The following FGD4 variants were observed in gnomAD, a reference collection of about 807,000 sequenced individuals.
FGD4 encodes FYVE, RhoGEF and PH domain containing 4, also known as FYVE, RhoGEF and PH domain-containing protein 4.
Under a neutral mutation model 102.0 loss-of-function variants are expected in FGD4, and 42 were observed. The observed-to-expected ratio is 0.41, with a 90% CI of 0.32 to 0.53. The LOEUF (loss-of-function observed/expected upper bound fraction) is 0.53. FGD4 is among the 20% of genes least tolerant of loss of function. The pLI is 0.21. For synonymous variants in FGD4, 380 were observed against 375.7 expected, an observed-to-expected ratio of 1.01 and a Z score of -0.13; for missense variants, 902 against 1,078.2, an observed-to-expected ratio of 0.84 and a Z score of 2.29.
At chr12:32,402,638 G>C (rs1940736965) in intron 1 of FGD4, among the ~76,000 whole-genome samples, 1 of 150,800 alleles carries the variant, frequency 6.6e-6, no homozygotes, top group African/African-American at 2.4e-5. Context: ...ACCCAGAGCA[G>C]TTTTTTTTAA....
intron 1 of FGD4, among the ~76,000 whole-genome samples, chr12:32,530,922 A>C (rs1941725659): frequency 6.9e-6 from 1 of 144,892 alleles, no homozygotes; most frequent in Non-Finnish European, 1.5e-5. Context: ...TATCTATGAC[A>C]ATCAGTTTCC....
chr12:32,596,658 G>A (rs1947916560), intron 4 of FGD4, among the ~76,000 whole-genome samples: 1 of 151,666 alleles, frequency 6.6e-6, no homozygotes, highest in South Asian at 2.1e-4. Flanking sequence ...GGAAGGGGCT[G>A]GGCGCATTGG....
intron 1 of FGD4, among the ~76,000 whole-genome samples, chr12:32,432,536 G>A (rs1486411489): frequency 5.9e-5 from 9 of 151,478 alleles, no homozygotes; most frequent in Admixed American, 3.9e-4. Context: ...CCCAGGAGGC[G>A]GAGGTTGCAG....
intron 5 of FGD4, chr12:32,600,584 C>CTTTTTTTTTTTTTTTTTTTTTTTTTTTTT (rs776556112): frequency 1.1e-5 from 3 of 267,970 alleles, no homozygotes; most frequent in African/African-American, 4.0e-5. Flanking sequence ...TTCTTTCTTT[C>CTTTTTTTTTTTTTTTTTTTTTTTTTTTTT]TTTCTTTCTT....
At chr12:32,526,611 G>A (rs1327055248) in intron 1 of FGD4, among the ~76,000 whole-genome samples, 2 of 152,178 alleles carry the variant, frequency 1.3e-5, no homozygotes, top group East Asian at 1.9e-4. Flanking sequence ...CAGGCTGCCC[G>A]AGCCAGCATT....
At position 32,582,370 on chromosome 12, in the gene FGD4, A is replaced by T. The variant is rs765177945; in HGVS notation, c.914A>T (p.Glu305Val). The T allele has an allele frequency of 6.2e-7, 1 of 1,614,090 alleles. No homozygotes were observed. The highest frequency in any genetic ancestry group is 8.5e-7 in the Non-Finnish European group (1 of 1,180,000). ...GGCATAGGCCCAGTGCTCCCCCTAG[A>T]AGAAAGAGGGGCAGAAACAGAAACC... ...TPGIGPVLPL[E>V]ERGAETETKV... The change falls in exon 4 of 17, where the codon GAA (glutamate) becomes GTA (valine). Residue 305 changes from glutamate (E) to valine (V), a missense_variant. Glu to Val is a moderately radical substitution (Grantham distance 121). Around this residue, in one of 2 missense-constraint regions of FGD4, gnomAD observed 443 missense variants for 459.2 expected, o/e 0.96. Transcript: ENST00000534526.
chr12:32,438,617 T>TG (rs62810661), intron 1 of FGD4, among the ~76,000 whole-genome samples: 100 of 142,038 alleles, frequency 7.0e-4, no homozygotes, highest in Admixed American at 1.7e-3. Context: ...TTTGTGTGTG[T>TG]TTTTTTTTTT....
In FGD4 at chr12:32,453,212, A is replaced by ATC. The variant is rs1555183338; in HGVS notation, c.166+53254_166+53255insCT. On this transcript the variant is annotated intron_variant, in intron 1 of 16. Coordinates refer to ENST00000534526, the MANE Select transcript of FGD4 (RefSeq NM_001370298.3). ...TTTTATATATATATTATATATATAT[A>ATC]TATATATAATATAGATATATATATA... 3.4e-3 allele frequency among the ~76,000 whole-genome samples: 188 copies of ATC among 55,616 alleles called. 1 individual carries two copies. Among genetic ancestry groups the ATC allele is most frequent in the African/African-American group, 7.7e-3 (182 of 23,550 alleles). The allele number at this position is 55,616 out of a possible 152,430, so 36.5% of individuals were successfully genotyped here.
At chr12:32,597,633 C>CGTAT (rs769300979) in intron 4 of FGD4, among the ~76,000 whole-genome samples, 3 of 152,026 alleles carry the variant, frequency 2.0e-5, no homozygotes, top group Non-Finnish European at 4.4e-5. Context: ...ACAGGAGATA[C>CGTAT]AGCAGCTAAC....
chr12:32,414,870 T>A (rs1369966524), intron 1 of FGD4, among the ~76,000 whole-genome samples: 3 of 152,230 alleles, frequency 2.0e-5, no homozygotes, highest in Non-Finnish European at 4.4e-5. Context: ...TTAAGATGAA[T>A]GTTAGGTTAT....
chr12:32,534,280 A>C, intron 1 of FGD4: 1 of 1,309,844 alleles, frequency 7.6e-7, no homozygotes, highest in Non-Finnish European at 9.7e-7. Context: ...GTTTTGCATA[A>C]GGTCGTCCTT....
intron 7 of FGD4, 149 bp downstream of exon 7, chr12:32,602,466 T>TGAAATACGAC: frequency 2.4e-6 from 2 of 849,144 alleles, no homozygotes; most frequent in Admixed American, 4.4e-5. Context: ...ATCTCTGCAA[T>TGAAATACGAC]GCTGAAATAC....
In FGD4 at chr12:32,553,378, C is replaced by A. The variant is rs137957327; in HGVS notation, c.167-10759C>A. Among the ~76,000 whole-genome samples, 1,237 of 152,192 alleles carry A rather than the reference C, an allele frequency of 8.1e-3. 45 individuals are homozygous for A. The highest frequency in any genetic ancestry group is 0.057 in the Admixed American group (876 of 15,286). On this transcript the variant is annotated intron_variant, in intron 1 of 16. Coordinates refer to ENST00000534526, the MANE Select transcript of FGD4 (RefSeq NM_001370298.3). ...AAATCTTAGTGTTATCCTTTTTATC[C>A]TTTCAGGGTAGCAAACAAAAGGCAC...
intron 1 of FGD4, among the ~76,000 whole-genome samples, chr12:32,448,560 G>A (rs959555666): frequency 1.3e-5 from 2 of 152,020 alleles, no homozygotes; most frequent in African/African-American, 4.8e-5. Context: ...GGGAGGCTAA[G>A]GCAGGAGAAT....
rs1008996139 is a variant in FGD4, at chr12:32,595,936, A to G, written c.1012-2561A>G. 3.9e-5 allele frequency among the ~76,000 whole-genome samples: 6 copies of G among 152,360 alleles called. No individual in the cohort carries two copies. The South Asian group carries it at 1.2e-3, about 32-fold the overall frequency. On this transcript the variant is annotated intron_variant, in intron 4 of 16. Coordinates refer to ENST00000534526, the MANE Select transcript of FGD4 (RefSeq NM_001370298.3). ...AACAACACATTAACTTTACATATTG[A>G]AAGGATCTTGTGTGTAAAGTGTAAA... is the stretch of plus-strand genomic sequence containing the variant.
rs941165392 is a variant in FGD4, at chr12:32,402,629, C to A, written c.166+2670C>A. 4.0e-5 allele frequency among the ~76,000 whole-genome samples: 6 copies of A among 151,438 alleles called. No individual in the cohort carries two copies. In the East Asian group the frequency reaches 9.7e-4, roughly 25 times the overall value. On this transcript the variant is annotated intron_variant, in intron 1 of 16. Coordinates refer to ENST00000534526, the MANE Select transcript of FGD4 (RefSeq NM_001370298.3). ...TTTTTTTTTTTTAATTCAAAGAAAA[C>A]CCAGAGCAGTTTTTTTTAAAATGGA... is the stretch of plus-strand genomic sequence containing the variant.
intron 3 of FGD4, among the ~76,000 whole-genome samples, chr12:32,578,472 G>T (rs1437592572): frequency 6.6e-6 from 1 of 151,716 alleles, no homozygotes; most frequent in Non-Finnish European, 1.5e-5. Flanking sequence ...ACAGGAAATT[G>T]ATAGGAAGAA....
At position 32,544,101 on chromosome 12, in the gene FGD4, A is replaced by G. The variant is rs796156165; in HGVS notation, c.167-20036A>G. On this transcript the variant is annotated intron_variant, in intron 1 of 16. Transcript: ENST00000534526. The surrounding 1 kb of genome is among the most constrained non-coding windows in gnomAD (Gnocchi z 4.1). ...TTGCTGTGACTTAAACAAGAGTCAC[A>G]TGGTGCTATGAGCTTAAATAATTAC... Among the ~76,000 whole-genome samples, 8 of 151,972 alleles carry G rather than the reference A, an allele frequency of 5.3e-5. No individual in the cohort carries two copies. The highest frequency in any genetic ancestry group is 1.9e-4 in the African/African-American group (8 of 41,478).
chr12:32,583,979 T>C (rs1946811804), intron 4 of FGD4, among the ~76,000 whole-genome samples: 1 of 152,236 alleles, frequency 6.6e-6, no homozygotes, highest in South Asian at 2.1e-4. Flanking sequence ...AATATTCTAA[T>C]TGGTGATGAT....
Sources: gnomAD v4.1 joint callset for allele counts (sites outside exome capture counted in the v4.1 genomes callset) on GRCh38, gnomAD v4.1.1 for gene constraint, gnomAD v4.1.1 regional missense constraint, Gnocchi (gnomAD v3.1) non-coding constraint, MANE v1.5 for transcripts, NCBI Gene and HGNC (gene_info 2026-07-23, HGNC 2026-07-21) for gene names.